The following RANBP3 variants were observed in gnomAD, a reference collection of about 807,000 sequenced individuals.
The protein encoded by RANBP3 is ran-binding protein 3.
Under a neutral mutation model 77.3 loss-of-function variants are expected in RANBP3, and 14 were observed. The observed-to-expected ratio is 0.18, with a 90% CI of 0.12 to 0.28. The LOEUF is 0.28. Ranked by LOEUF, RANBP3 falls within the 10% of genes least tolerant of loss-of-function variation. The pLI, the probability that RANBP3 is intolerant of heterozygous loss-of-function variation, is 1.00. For missense variants in RANBP3, 586 were observed against 752.3 expected (o/e 0.78, Z 2.59); for synonymous variants, 315 against 312.4 (o/e 1.01, Z -0.09).
intron 1 of RANBP3, among the ~76,000 whole-genome samples, chr19:5,960,109 C>T (rs552519960): frequency 6.6e-6 from 1 of 152,176 alleles, no homozygotes; most frequent in Non-Finnish European, 1.5e-5. Context: ...CCGAGAGGGG[C>T]CTTGGACCAG....
chr19:5,937,712 C>T (rs952115197), intron 5 of RANBP3, among the ~76,000 whole-genome samples: 3 of 152,160 alleles, frequency 2.0e-5, no homozygotes, highest in African/African-American at 4.8e-5. Context: ...CCTTTTCATG[C>T]GTGAGGGCAC....
chr19:5,947,674 C>T (rs921896026), intron 3 of RANBP3, among the ~76,000 whole-genome samples: 1 of 152,232 alleles, frequency 6.6e-6, no homozygotes, highest in East Asian at 1.9e-4. Flanking sequence ...AAGCAGCCCT[C>T]CCGCGGCTTG....
rs2058359320 is a variant in RANBP3, at chr19:5,958,289, T to C, written c.23-316A>G. Among the ~76,000 whole-genome samples the C allele has an allele frequency of 6.6e-6, 1 of 152,186 alleles. No homozygotes were observed. Among genetic ancestry groups the C allele is most frequent in the Admixed American group, 6.5e-5 (1 of 15,282 alleles). On this transcript the variant is annotated intron_variant, in intron 1 of 16. Coordinates refer to ENST00000340578, the MANE Select transcript of RANBP3 (RefSeq NM_007322.3). This position sits in a 1 kb window ranked among gnomAD's most constrained non-coding sequence, Gnocchi z 4.4. ...GCAGCGGAGAGTGTGGCAGCGCTAT[T>C]TGGCGCCATGAACTGTGACCTTGCA...
chr19:5,932,706 G>A (rs2058010314), intron 6 of RANBP3, 162 bp from the exon 7 acceptor site: 3 of 596,094 alleles, frequency 5.0e-6, no homozygotes, highest in Non-Finnish European at 6.0e-6. Flanking sequence ...CAGCTGGCCA[G>A]GAGATCTGGC....
At chr19:5,939,586 T>C (rs2058107967) in intron 5 of RANBP3, among the ~76,000 whole-genome samples, 1 of 152,228 alleles carries the variant, frequency 6.6e-6, no homozygotes, top group South Asian at 2.1e-4. Flanking sequence ...TTTGAAACTG[T>C]TGACAAGGAG....
intron 3 of RANBP3, among the ~76,000 whole-genome samples, chr19:5,946,569 C>T (rs1355382987): frequency 5.9e-5 from 9 of 152,176 alleles, no homozygotes; most frequent in African/African-American, 1.7e-4. Context: ...TAAGACCCAG[C>T]GGAGGGAAGC....
chr19:5,956,688 C>T (rs923002903), intron 2 of RANBP3, among the ~76,000 whole-genome samples: 5 of 152,128 alleles, frequency 3.3e-5, no homozygotes, highest in Admixed American at 2.0e-4. Context: ...CACACACACC[C>T]GATCCCCACA....
chr19:5,936,687 T>C (rs1294589225), intron 5 of RANBP3, among the ~76,000 whole-genome samples: 3 of 152,176 alleles, frequency 2.0e-5, no homozygotes, highest in Admixed American at 6.5e-5. Flanking sequence ...AGTGCTCAAA[T>C]GAACAACGGG....
intron 1 of RANBP3, among the ~76,000 whole-genome samples, chr19:5,966,155 T>A (rs919817889): frequency 2.0e-5 from 3 of 152,190 alleles, no homozygotes; most frequent in Admixed American, 6.5e-5. Flanking sequence ...ACACATACAC[T>A]CTTCCCTTTA....
chr19:5,921,148 C>A lies in RANBP3; in HGVS notation c.1330+53G>T. On this transcript the variant is annotated intron_variant, in intron 14 of 16. Transcript: ENST00000340578. The surrounding 1 kb of genome is among the most constrained non-coding windows in gnomAD (Gnocchi z 5.3). The stretch of plus-strand genomic sequence containing the variant: ...TTCATTCCCTTTGGAATTGCATAGT[C>A]CCCAGCCCTCCCCATGGGGACCCGG... The A allele has an allele frequency of 6.3e-7, 1 of 1,579,554 alleles. No homozygotes were observed. Among genetic ancestry groups the A allele is most frequent in the Admixed American group, 1.7e-5 (1 of 58,390 alleles).
intron 8 of RANBP3, among the ~76,000 whole-genome samples, chr19:5,929,362 C>T (rs566811423): frequency 1.3e-5 from 2 of 152,362 alleles, no homozygotes; most frequent in South Asian, 4.1e-4. Flanking sequence ...CAGAAACACT[C>T]CCTGGCTCTT....
At chr19:5,953,030 T>C (rs2058294219) in intron 2 of RANBP3, among the ~76,000 whole-genome samples, 1 of 152,202 alleles carries the variant, frequency 6.6e-6, no homozygotes, top group Non-Finnish European at 1.5e-5. Context: ...ATCCCTGCTT[T>C]TGAAATGTAA....
intron 14 of RANBP3, among the ~76,000 whole-genome samples, chr19:5,918,889 G>A (rs992217372): frequency 1.3e-5 from 2 of 152,242 alleles, no homozygotes; most frequent in Admixed American, 6.5e-5. Context: ...GCACAGGCTG[G>A]TGCTGCAGAT....
At chr19:5,936,324 C>T (rs746745548) in intron 5 of RANBP3, among the ~76,000 whole-genome samples, 3 of 152,246 alleles carry the variant, frequency 2.0e-5, no homozygotes, top group Admixed American at 6.5e-5. Flanking sequence ...GAGGCACCCA[C>T]GTGCCCCTGG....
chr19:5,941,606 G>A lies in RANBP3; in HGVS notation c.406+15C>T. On this transcript the variant is annotated intron_variant, in intron 5 of 16. Coordinates refer to ENST00000340578, the MANE Select transcript of RANBP3 (RefSeq NM_007322.3). ...CATAAACGCTTTCACCATTCCGTAA[G>A]TTTGCATATTTTACCTGACTGTGAG... The A allele has an allele frequency of 6.2e-7, 1 of 1,601,480 alleles. No homozygotes were observed. Among genetic ancestry groups the A allele is most frequent in the Non-Finnish European group, 8.5e-7 (1 of 1,170,078 alleles).
intron 10 of RANBP3, 132 bp from the exon 11 acceptor site, chr19:5,925,037 G>C: frequency 1.2e-6 from 1 of 813,660 alleles, no homozygotes; most frequent in Non-Finnish European, 2.1e-6. Context: ...GCACGGGGTG[G>C]CGTGTCAGAG....
At position 5,924,936 on chromosome 19, in the gene RANBP3, C is replaced by T. The variant is rs763363533; in HGVS notation, c.918-31G>A. The T allele has an allele frequency of 1.3e-5, 20 of 1,594,488 alleles. No homozygotes were observed. The Admixed American group carries it at 1.7e-4, about 13-fold the overall frequency. ...GAGAAGATGTGCAATGAGTGTGGGGCGTCACGTGGGAACGTGGCCAGGCAA... is the reference window on the plus strand; with the variant it reads ...GAGAAGATGTGCAATGAGTGTGGGGTGTCACGTGGGAACGTGGCCAGGCAA... On this transcript the variant is annotated intron_variant, in intron 10 of 16. Transcript: ENST00000340578. This position sits in a 1 kb window ranked among gnomAD's most constrained non-coding sequence, Gnocchi z 4.7.
chr19:5,955,256 G>C (rs1234019360), intron 2 of RANBP3, among the ~76,000 whole-genome samples: 1 of 152,150 alleles, frequency 6.6e-6, no homozygotes, highest in Non-Finnish European at 1.5e-5. Context: ...TCAGCCTCCT[G>C]AGTAGCTGGG....
rs2058497214 is a variant in RANBP3, at chr19:5,968,750, G to A, written c.22+9311C>T. ...GTGGGATCTGAAGGCAGGCCGAGCCGAGCAGCCAAGCCTTGCTCTCACCAG... is the reference window on the plus strand; with the variant it reads ...GTGGGATCTGAAGGCAGGCCGAGCCAAGCAGCCAAGCCTTGCTCTCACCAG... On this transcript the variant is annotated intron_variant, in intron 1 of 16. Coordinates refer to ENST00000340578, the MANE Select transcript of RANBP3 (RefSeq NM_007322.3). 3.9e-5 allele frequency among the ~76,000 whole-genome samples: 6 copies of A among 152,324 alleles called. No homozygotes were observed. In the South Asian group the frequency reaches 1.0e-3, roughly 26 times the overall value.
Sources: allele counts gnomAD v4.1 joint callset (sites outside exome capture counted in the v4.1 genomes callset), GRCh38; gene constraint gnomAD v4.1.1; non-coding constraint Gnocchi (gnomAD v3.1); transcripts MANE v1.5; gene names NCBI Gene and HGNC (gene_info 2026-07-23, HGNC 2026-07-21).